PALM: variants seen among roughly 807,000 people sequenced by gnomAD.
PALM encodes paralemmin-1.
Under a neutral mutation model 30.7 loss-of-function variants are expected in PALM, and 18 were observed. That is an observed-to-expected ratio of 0.59 (90% CI 0.41 to 0.87). PALM has a LOEUF of 0.87. PALM is among the 40% of genes least tolerant of loss of function. The pLI is 0.00. For missense variants in PALM, 529 were observed against 555.4 expected, an observed-to-expected ratio of 0.95 and a Z score of 0.48; for synonymous variants, 286 against 242.8, an observed-to-expected ratio of 1.18 and a Z score of -1.66.
chr19:713,357 C>G lies in PALM; in HGVS notation c.5+4206C>G, dbSNP rs1011959141. ...GTGTGGAGAGGGGGTCCTGACTCCCCGTCACACCTTAGCATGTCAGTCTCC... is the reference window on the plus strand; with the variant it reads ...GTGTGGAGAGGGGGTCCTGACTCCCGGTCACACCTTAGCATGTCAGTCTCC... On this transcript the variant is annotated intron_variant, in intron 1 of 8. Coordinates refer to ENST00000338448, the MANE Select transcript of PALM (RefSeq NM_002579.3). Among the ~76,000 whole-genome samples the G allele has an allele frequency of 2.6e-5, 4 of 151,982 alleles. No individual in the cohort carries two copies. The Middle Eastern group carries it at 0.014, about 517-fold the overall frequency.
Position 742,304 on chromosome 19 carries a change from C to A in PALM, c.634+1821C>A, listed in dbSNP as rs2033216431. Among the ~76,000 whole-genome samples, 1 of 152,054 alleles carries A rather than the reference C, an allele frequency of 6.6e-6. No homozygotes were observed. The highest frequency in any genetic ancestry group is 2.4e-5 in the African/African-American group (1 of 41,400). ...CTGGATTGGCCTGTCCTGGACATTT[C>A]ATAGAAATGAGATCACACGGCCGGG... is the stretch of plus-strand genomic sequence containing the variant. On this transcript the variant is annotated intron_variant, in intron 8 of 8. Transcript: ENST00000338448. The surrounding 1 kb of genome is among the most constrained non-coding windows in gnomAD (Gnocchi z 5.5).
rs753258324 is a variant in PALM, at chr19:746,567, A to G, written c.917A>G (p.Gln306Arg). 3.1e-6 allele frequency: 5 copies of G among 1,613,332 alleles called. No individual in the cohort carries two copies. The highest frequency in any genetic ancestry group is 3.4e-6 in the Non-Finnish European group (4 of 1,179,928). The change falls in exon 9 of 9, where the codon CAG becomes CGG. Residue 306 changes from glutamine (Q) to arginine (R), a missense_variant. Physicochemically the swap from Gln to Arg is conservative, Grantham distance 43. Coordinates refer to ENST00000338448, the MANE Select transcript of PALM (RefSeq NM_002579.3). This position sits in a 1 kb window ranked among gnomAD's most constrained non-coding sequence, Gnocchi z 7.1. Reference protein sequence around the residue: ...PPVTMIFMGYQNVEDEAETKK... With the variant: ...PPVTMIFMGYRNVEDEAETKK... ...GTCACAATGATCTTCATGGGTTACCAGAACGTGGAGGATGAGGCCGAGACC... is the reference window on the plus strand; with the variant it reads ...GTCACAATGATCTTCATGGGTTACCGGAACGTGGAGGATGAGGCCGAGACC...
At chr19:730,928 G>A (rs773590005) in intron 4 of PALM, among the ~76,000 whole-genome samples, 167 bp from the exon 5 acceptor site, 6 of 152,096 alleles carry the variant, frequency 3.9e-5, no homozygotes, top group Non-Finnish European at 8.8e-5. Flanking sequence ...TTGAACCCGG[G>A]AGGTGGAGGT....
intron 1 of PALM, among the ~76,000 whole-genome samples, chr19:710,471 G>A (rs1289235154): frequency 2.0e-5 from 3 of 152,110 alleles, no homozygotes; most frequent in Non-Finnish European, 4.4e-5. Context: ...GAGCCTCTGG[G>A]CCTCTGACAG....
At position 747,219 on chromosome 19, in the gene PALM, A is replaced by T; in HGVS notation, c.*405A>T. ...TACCTGTGCCTTTCTCTGAGGGGAC[A>T]CCCCGCCAGAGAGGGCCCCGGGAGC... On this transcript the variant is annotated 3_prime_UTR_variant, in exon 9 of 9. Transcript: ENST00000338448. 5.7e-6 allele frequency: 1 copy of T among 175,804 alleles called. No individual in the cohort carries two copies. The highest frequency in any genetic ancestry group is 5.9e-5 in the Admixed American group (1 of 17,020). The allele number at this position is 175,804 out of a possible 1,614,324, so 10.9% of individuals were successfully genotyped here.
intron 4 of PALM, among the ~76,000 whole-genome samples, chr19:728,377 A>C (rs936542994): frequency 6.6e-6 from 1 of 152,218 alleles, no homozygotes; most frequent in African/African-American, 2.4e-5. Context: ...GCCGGATCAC[A>C]CGGACCTCGC....
chr19:743,385 C>T (rs1187796151), intron 8 of PALM, among the ~76,000 whole-genome samples: 1 of 152,206 alleles, frequency 6.6e-6, no homozygotes, highest in Non-Finnish European at 1.5e-5. Context: ...TAGCAACGGG[C>T]AGGTGATCCG....
At chr19:724,395 C>T (rs143761178) in intron 1 of PALM, among the ~76,000 whole-genome samples, 52 of 152,124 alleles carry the variant, frequency 3.4e-4, no homozygotes, top group African/African-American at 1.2e-3. Flanking sequence ...GATCTCGGCT[C>T]ATGCAACCTC....
At chr19:726,985 A>ACC in intron 2 of PALM, 23 bp from the exon 3 acceptor site, 13 of 945,364 alleles carry the variant, frequency 1.4e-5, no homozygotes, top group Non-Finnish European at 1.8e-5. Flanking sequence ...CCCATCCCTG[A>ACC]CCCCACCCGG....
chr19:712,232 A>T (rs1444659158), intron 1 of PALM, among the ~76,000 whole-genome samples: 1 of 151,174 alleles, frequency 6.6e-6, no homozygotes, highest in African/African-American at 2.4e-5. Context: ...CAGGTTGCCC[A>T]GGCTGGTCTT....
At chr19:719,112 G>C (rs2032366941) in intron 1 of PALM, 1 of 984,812 alleles carries the variant, frequency 1.0e-6, no homozygotes, top group Non-Finnish European at 1.2e-6. Context: ...CGCTGGGCTC[G>C]GCGCCTGCCC....
intron 5 of PALM, among the ~76,000 whole-genome samples, chr19:731,678 C>T (rs1180748094): frequency 6.6e-6 from 1 of 151,340 alleles, no homozygotes; most frequent in Non-Finnish European, 1.5e-5. Context: ...TGTTTTTTTG[C>T]TTTTGTTGTT....
chr19:725,634 C>G (rs1050699790), intron 1 of PALM, among the ~76,000 whole-genome samples: 18 of 152,132 alleles, frequency 1.2e-4, no homozygotes, highest in African/African-American at 4.3e-4. Flanking sequence ...CTTTGCTGTG[C>G]GTCCTTGGGA....
rs762912927 is a variant in PALM, at chr19:742,765, C to T, written c.634+2282C>T. On this transcript the variant is annotated intron_variant, in intron 8 of 8. Coordinates refer to ENST00000338448, the MANE Select transcript of PALM (RefSeq NM_002579.3). The surrounding 1 kb of genome is among the most constrained non-coding windows in gnomAD (Gnocchi z 5.5). ...CTTTTCATGGCTGAATACTATTCCA[C>T]GGGTTGGGTGGGCCATGGTGGGTTT... Among the ~76,000 whole-genome samples the T allele has an allele frequency of 3.3e-5, 5 of 152,058 alleles. No homozygotes were observed. The highest frequency in any genetic ancestry group is 7.2e-5 in the African/African-American group (3 of 41,412).
rs1468645172 is a variant in PALM, at chr19:727,558, G to A, written c.139-6G>A. On this transcript the variant is annotated splice_region_variant and splice_polypyrimidine_tract_variant and intron_variant, in intron 3 of 8. Coordinates refer to ENST00000338448, the MANE Select transcript of PALM (RefSeq NM_002579.3). ...CACGACTCTGACCTGGATCCCTGCT[G>A]CTCAGTCCAAGGCACTGCGGGAGCG... The A allele has an allele frequency of 1.3e-6, 2 of 1,585,050 alleles. No individual in the cohort carries two copies. Among genetic ancestry groups the A allele is most frequent in the Non-Finnish European group, 1.7e-6 (2 of 1,166,076 alleles).
rs1216225025 is a variant in PALM, at chr19:734,198, G to A, written c.442+4G>A. On this transcript the variant is annotated splice_donor_region_variant and intron_variant, in intron 6 of 8. Transcript: ENST00000338448. Reference sequence around the variant, plus strand: ...ACGCCGGTGGGCACGCCCAAAGGTAGGACCTCTGGAAGGAACTCGTGGGGC... The same window carrying A: ...ACGCCGGTGGGCACGCCCAAAGGTAAGACCTCTGGAAGGAACTCGTGGGGC... 27 of 1,613,434 alleles carry A rather than the reference G, an allele frequency of 1.7e-5. No individual in the cohort carries two copies. Among genetic ancestry groups the A allele is most frequent in the Non-Finnish European group, 1.9e-5 (22 of 1,179,736 alleles).
At chr19:714,242 G>T (rs531528602) in intron 1 of PALM, among the ~76,000 whole-genome samples, 2 of 150,508 alleles carry the variant, frequency 1.3e-5, no homozygotes, top group East Asian at 4.0e-4. Flanking sequence ...GTTTCACCAT[G>T]TTGGCCAGGC....
chr19:726,950 T>TGGGGGGGGGGGG (rs567356479), intron 2 of PALM, 58 bp from the exon 3 acceptor site: 3 of 864,324 alleles, frequency 3.5e-6, no homozygotes, highest in Non-Finnish European at 3.4e-6. Context: ...TGTGTGGGGG[T>TGGGGGGGGGGGG]GGGGGGGTCT....
At chr19:745,039 G>C (rs1350516969) in intron 8 of PALM, among the ~76,000 whole-genome samples, 1 of 151,968 alleles carries the variant, frequency 6.6e-6, no homozygotes, top group Non-Finnish European at 1.5e-5. Context: ...AATCAGCCTG[G>C]TGTGGTGGCA....
Sources: allele counts gnomAD v4.1 joint callset (sites outside exome capture counted in the v4.1 genomes callset), GRCh38; gene constraint gnomAD v4.1.1; non-coding constraint Gnocchi (gnomAD v3.1); transcripts MANE v1.5; gene names NCBI Gene and HGNC (gene_info 2026-07-23, HGNC 2026-07-21).